Variants in TM9SF3 observed in about 807,000 individuals in gnomAD.
The protein encoded by TM9SF3 is SM-11044-binding protein.
A neutral mutation model predicts 78.6 loss-of-function variants in TM9SF3; 14 were observed. That is an observed-to-expected ratio of 0.18 (90% CI 0.12 to 0.28). The LOEUF is 0.28. TM9SF3 is among the 10% of genes least tolerant of loss of function. The pLI is 1.00. For synonymous variants in TM9SF3, 231 were observed against 241.7 expected, an observed-to-expected ratio of 0.96 and a Z score of 0.41; for missense variants, 496 against 721.9, an observed-to-expected ratio of 0.69 and a Z score of 3.59.
intron 2 of TM9SF3, 106 bp downstream of exon 2, chr10:96,576,528 C>T: frequency 9.4e-7 from 1 of 1,062,046 alleles, no homozygotes; most frequent in East Asian, 2.6e-5. Context: ...TACATAACAG[C>T]TCCATACAAC....
intron 2 of TM9SF3, among the ~76,000 whole-genome samples, chr10:96,571,009 GA>G (rs1176139377): frequency 1.3e-5 from 2 of 152,174 alleles, no homozygotes; most frequent in African/African-American, 4.8e-5. Context: ...AAAGTGCTGG[GA>G]TTACAGGCCA....
chr10:96,551,139 T>C (rs555690294), intron 7 of TM9SF3, 106 bp downstream of exon 7: 5 of 933,414 alleles, frequency 5.4e-6, no homozygotes, highest in East Asian at 5.1e-5. Flanking sequence ...AACTGTAAGA[T>C]AAAGGAAATA....
intron 3 of TM9SF3, among the ~76,000 whole-genome samples, chr10:96,563,088 T>C (rs996738870): frequency 3.3e-5 from 5 of 152,204 alleles, no homozygotes; most frequent in Admixed American, 2.6e-4. Context: ...CTTTATTTGT[T>C]ATTGAAACAA....
intron 1 of TM9SF3, 61 bp downstream of exon 1, chr10:96,586,673 C>A: frequency 8.4e-7 from 1 of 1,194,916 alleles, no homozygotes; most frequent in East Asian, 3.4e-5. Context: ...TGCGTGGGGC[C>A]TGCCTCAGTG....
intron 14 of TM9SF3, among the ~76,000 whole-genome samples, chr10:96,524,998 A>G (rs1477157621): frequency 6.6e-6 from 1 of 152,040 alleles, no homozygotes; most frequent in Non-Finnish European, 1.5e-5. Context: ...CAGGAAAAGC[A>G]CTCAAAAAAT....
intron 4 of TM9SF3, among the ~76,000 whole-genome samples, chr10:96,561,634 T>C (rs1848309795): frequency 6.6e-6 from 1 of 152,058 alleles, no homozygotes; most frequent in Non-Finnish European, 1.5e-5. Context: ...TCTGCAACAT[T>C]AAAAAGGAAA....
chr10:96,547,946 T>G lies in TM9SF3; in HGVS notation c.1003A>C (p.Thr335Pro). The G allele has an allele frequency of 6.2e-7, 1 of 1,613,764 alleles. No individual in the cohort carries two copies. The highest frequency in any genetic ancestry group is 8.5e-7 in the Non-Finnish European group (1 of 1,179,910). ...LSTAIFVYAA[T>P]SPVNGYFGGS... ...CCAAAATAACCATTCACTGGAGACG[T>G]AGCAGCATAGACAAATATGGCTGTA... is the stretch of plus-strand genomic sequence containing the variant. The change falls in exon 8 of 15, where the codon ACG becomes CCG. Residue 335 changes from threonine (T) to proline (P), a missense_variant. Thr to Pro is a conservative substitution (Grantham distance 38). Transcript: ENST00000371142.
chr10:96,560,350 G>A, intron 4 of TM9SF3: 1 of 740,070 alleles, frequency 1.4e-6, no homozygotes, highest in South Asian at 1.3e-5. Context: ...TGCAAAGGAT[G>A]AATTGCATAT....
At position 96,528,102 on chromosome 10, in the gene TM9SF3, G is replaced by C; in HGVS notation, c.1470C>G (p.Ile490Met). 6.2e-7 allele frequency: 1 copy of C among 1,612,942 alleles called. No homozygotes were observed. Residue 490 changes from isoleucine (I) to methionine (M), a missense_variant, in exon 12 of 15, where the codon ATC (isoleucine) becomes ATG (methionine). By Grantham distance (10) the Ile-to-Met change is conservative (BLOSUM62 1). Transcript: ENST00000371142. Reference protein sequence around the residue: ...VYGFMMLVLVILCIVTVCVTI... With the variant: ...VYGFMMLVLVMLCIVTVCVTI... ...TCACACAGACAGTCACAATGCACAG[G>C]ATAACCAGCACCAGCATCATGAAGC...
chr10:96,579,797 T>C (rs765554361), intron 1 of TM9SF3, among the ~76,000 whole-genome samples: 1 of 152,220 alleles, frequency 6.6e-6, no homozygotes. Context: ...TTACTTTTCA[T>C]TGCAGACCTT....
intron 9 of TM9SF3, among the ~76,000 whole-genome samples, chr10:96,537,756 C>T (rs1473576653): frequency 1.3e-5 from 2 of 152,016 alleles, no homozygotes; most frequent in Non-Finnish European, 1.5e-5. Flanking sequence ...CGCTTGAACC[C>T]GGGAGATGGA....
At chr10:96,573,045 T>C (rs535143675) in intron 2 of TM9SF3, among the ~76,000 whole-genome samples, 6 of 152,336 alleles carry the variant, frequency 3.9e-5, no homozygotes, top group African/African-American at 7.2e-5. Flanking sequence ...TGTATGCATA[T>C]GTAAACATGT....
chr10:96,583,172 G>C (rs1428569479), intron 1 of TM9SF3, among the ~76,000 whole-genome samples: 1 of 152,052 alleles, frequency 6.6e-6, no homozygotes, highest in Non-Finnish European at 1.5e-5. Context: ...TAATTCAGTA[G>C]GTACAGTAAG....
Position 96,567,332 on chromosome 10 carries a change from G to A in TM9SF3, c.299-1906C>T, listed in dbSNP as rs539094097. Among the ~76,000 whole-genome samples the A allele has an allele frequency of 5.3e-5, 8 of 152,178 alleles. No individual in the cohort carries two copies. In the South Asian group the frequency reaches 6.2e-4, roughly 12 times the overall value. On this transcript the variant is annotated intron_variant, in intron 2 of 14. Transcript: ENST00000371142. ...ACTCCTGATCTCAGGTGAACCGCCC[G>A]CCTCAGCCTCCCAAAGTGCTGGGAT... is the stretch of plus-strand genomic sequence containing the variant.
intron 9 of TM9SF3, 35 bp from the exon 10 acceptor site, chr10:96,533,225 G>A: frequency 6.3e-7 from 1 of 1,595,748 alleles, no homozygotes; most frequent in South Asian, 1.1e-5. Context: ...ATTACTCAGA[G>A]AACAATAACA....
chr10:96,527,127 A>G, intron 14 of TM9SF3, 86 bp downstream of exon 14: 2 of 1,192,504 alleles, frequency 1.7e-6, no homozygotes, highest in South Asian at 1.4e-5. Flanking sequence ...ACAACAGATA[A>G]AATTTCTTAA....
chr10:96,529,465 C>T (rs747442849), intron 11 of TM9SF3, among the ~76,000 whole-genome samples: 3 of 152,144 alleles, frequency 2.0e-5, no homozygotes, highest in East Asian at 1.9e-4. Context: ...GTGATTGAGA[C>T]GGCTATAGAC....
chr10:96,551,681 G>A (rs911510017), intron 6 of TM9SF3, among the ~76,000 whole-genome samples: 1 of 152,124 alleles, frequency 6.6e-6, no homozygotes, highest in Non-Finnish European at 1.5e-5. Context: ...AAAAGAAATG[G>A]TCAAATTGGG....
In TM9SF3 at chr10:96,544,095, G is replaced by A. The variant is rs201204611; in HGVS notation, c.1166C>T (p.Ala389Val). The A allele has an allele frequency of 1.2e-6, 2 of 1,611,260 alleles. No individual in the cohort carries two copies. Among genetic ancestry groups the A allele is most frequent in the Non-Finnish European group, 1.7e-6 (2 of 1,179,102 alleles). The change falls in exon 9 of 15, where the codon GCC becomes GTC. Residue 389 changes from alanine (A) to valine (V), a missense_variant. Ala to Val is a moderately conservative substitution (Grantham distance 64). Coordinates refer to ENST00000371142, the MANE Select transcript of TM9SF3 (RefSeq NM_020123.4). The stretch of plus-strand genomic sequence containing the variant: ...ACTCACCATTGTTCCAAAAGGAATG[G>A]CTCTTGAAGCATGGTAATAAATGGC... ...FIAIYYHASR[A>V]IPFGTMVAVC... is the part of the protein sequence containing the mutation.
Sources: allele counts gnomAD v4.1 joint callset (sites outside exome capture counted in the v4.1 genomes callset), GRCh38; gene constraint gnomAD v4.1.1; transcripts MANE v1.5; gene names NCBI Gene and HGNC (gene_info 2026-07-23, HGNC 2026-07-21).